Variants in FLRT2 observed in about 807,000 individuals in gnomAD.
The protein encoded by FLRT2 is leucine-rich repeat transmembrane protein FLRT2.
FLRT2 carries 15 observed loss-of-function variants against 40.0 expected under a neutral mutation model. The observed-to-expected ratio is 0.38, with a 90% CI of 0.25 to 0.58. FLRT2 has a LOEUF of 0.58. Ranked by LOEUF, FLRT2 falls within the 20% of genes least tolerant of loss-of-function variation. The pLI is 0.71. For synonymous variants in FLRT2, 380 were observed against 336.8 expected (o/e 1.13, Z -1.41); for missense variants, 726 against 840.0 (o/e 0.86, Z 1.68).
At chr14:85,543,854 A>G (rs1052723714) in intron 1 of FLRT2, among the ~76,000 whole-genome samples, 1 of 152,128 alleles carries the variant, frequency 6.6e-6, no homozygotes, top group Non-Finnish European at 1.5e-5. Context: ...GGGCTTCTAC[A>G]GAGTTTTGTT....
chr14:85,653,096 C>G lies in FLRT2; in HGVS notation c.*29599C>G, dbSNP rs1894473303. 1 of 152,122 alleles carries G rather than the reference C, an allele frequency of 6.6e-6. No individual in the cohort carries two copies. The highest frequency in any genetic ancestry group is 1.5e-5 in the Non-Finnish European group (1 of 68,026). 9.4% of individuals were successfully genotyped at this position (152,122 alleles called of 1,614,324 possible). On this transcript the variant is annotated 3_prime_UTR_variant, in exon 2 of 2. Transcript: ENST00000330753. Reference sequence around the variant, plus strand: ...AAAAGAAAGAAGGCAGCAAATGGTTCCAGACATTTATAATTATGCATCTGA... The same window carrying G: ...AAAAGAAAGAAGGCAGCAAATGGTTGCAGACATTTATAATTATGCATCTGA...
chr14:85,648,666 C>G lies in FLRT2; in HGVS notation c.*25169C>G, dbSNP rs542323052. The G allele has an allele frequency of 6.6e-6, 1 of 152,012 alleles. No individual in the cohort carries two copies. Among genetic ancestry groups the G allele is most frequent in the African/African-American group, 2.4e-5 (1 of 41,392 alleles). The allele number at this position is 152,012 out of a possible 1,614,324, so 9.4% of individuals were successfully genotyped here. A position where few individuals can be genotyped will look rare whatever the true frequency, so the allele number is the denominator to read the frequency against. On this transcript the variant is annotated 3_prime_UTR_variant, in exon 2 of 2. Coordinates refer to ENST00000330753, the MANE Select transcript of FLRT2 (RefSeq NM_013231.6). Reference sequence around the variant, plus strand: ...TATAATTGCCCATTTTCCCTAAATACCTAGGTAGGTTTTATTTCCTAAACT... The same window carrying G: ...TATAATTGCCCATTTTCCCTAAATAGCTAGGTAGGTTTTATTTCCTAAACT...
At chr14:85,614,404 TAA>T (rs1395440096) in intron 1 of FLRT2, among the ~76,000 whole-genome samples, 2 of 151,734 alleles carry the variant, frequency 1.3e-5, no homozygotes, top group Non-Finnish European at 2.9e-5. Flanking sequence ...TCAGAGAGGT[TAA>T]GTCAGGTGCC....
intron 1 of FLRT2, among the ~76,000 whole-genome samples, chr14:85,568,437 G>C (rs78671176): frequency 0.021 from 3,210 of 152,262 alleles, 117 homozygotes; most frequent in African/African-American, 0.072. Context: ...TACCAAGTCA[G>C]TGGTCATTGC....
chr14:85,578,959 G>A (rs1891261484), intron 1 of FLRT2, among the ~76,000 whole-genome samples: 1 of 152,200 alleles, frequency 6.6e-6, no homozygotes, highest in Non-Finnish European at 1.5e-5. Flanking sequence ...ATCTCTCCCA[G>A]TTGGAGTCTC....
rs1052960387 is a variant in FLRT2, at chr14:85,635,732, G to A, written c.*12235G>A. 9 of 151,980 alleles carry A rather than the reference G, an allele frequency of 5.9e-5. No homozygotes were observed. The highest frequency in any genetic ancestry group is 8.8e-5 in the Non-Finnish European group (6 of 67,924). 9.4% of individuals were successfully genotyped at this position (151,980 alleles called of 1,614,324 possible). A position where few individuals can be genotyped will look rare whatever the true frequency, so the allele number is the denominator to read the frequency against. Reference sequence around the variant, plus strand: ...ATTATGGTTTAAAAAAAAGAAAGATGAAAACTTTTTAGAATAATTAGGAAA... The same window carrying A: ...ATTATGGTTTAAAAAAAAGAAAGATAAAAACTTTTTAGAATAATTAGGAAA... On this transcript the variant is annotated 3_prime_UTR_variant, in exon 2 of 2. Transcript: ENST00000330753.
chr14:85,579,297 T>A (rs559081659), intron 1 of FLRT2, among the ~76,000 whole-genome samples: 1 of 152,280 alleles, frequency 6.6e-6, no homozygotes, highest in Non-Finnish European at 1.5e-5. Flanking sequence ...ATTTTTATTT[T>A]GAAATGTGTG....
chr14:85,561,853 A>T (rs1173648766), intron 1 of FLRT2, among the ~76,000 whole-genome samples: 2 of 152,240 alleles, frequency 1.3e-5, no homozygotes, highest in African/African-American at 4.8e-5. Flanking sequence ...TGGTAAAATT[A>T]TGAAATTCTA....
rs1894168961 is a variant in FLRT2 at position 85,642,326 on chromosome 14, A to G, written c.*18829A>G. 6.6e-6 allele frequency: 1 copy of G among 152,136 alleles called. No individual in the cohort carries two copies. Among genetic ancestry groups the G allele is most frequent in the South Asian group, 2.1e-4 (1 of 4,826 alleles). 9.4% of individuals were successfully genotyped at this position (152,136 alleles called of 1,614,324 possible). On this transcript the variant is annotated 3_prime_UTR_variant, in exon 2 of 2. Coordinates refer to ENST00000330753, the MANE Select transcript of FLRT2 (RefSeq NM_013231.6). Reference sequence around the variant, plus strand: ...GGTAGGTTTAAATTATTCTGACTATACTGAACCCCCAAGTCCGATGAGCCT... The same window carrying G: ...GGTAGGTTTAAATTATTCTGACTATGCTGAACCCCCAAGTCCGATGAGCCT...
At chr14:85,611,253 C>T (rs1164111196) in intron 1 of FLRT2, among the ~76,000 whole-genome samples, 4 of 80,788 alleles carry the variant, frequency 5.0e-5, no homozygotes, top group African/African-American at 9.7e-5. Context: ...TCACACGGGC[C>T]TCCTGCTTCA....
At chr14:85,591,024 C>T (rs1368799405) in intron 1 of FLRT2, among the ~76,000 whole-genome samples, 2 of 144,560 alleles carry the variant, frequency 1.4e-5, no homozygotes, top group East Asian at 4.0e-4. Flanking sequence ...TGTATTTCTT[C>T]TTTATCTTTT....
intron 1 of FLRT2, among the ~76,000 whole-genome samples, chr14:85,584,170 G>A (rs1891515177): frequency 6.6e-6 from 1 of 152,114 alleles, no homozygotes; most frequent in Non-Finnish European, 1.5e-5. Flanking sequence ...CTCTGTTTAA[G>A]CACTGGTGAA....
rs1418803030 is a variant in FLRT2 at position 85,647,226 on chromosome 14, G to C, written c.*23729G>C. ...ATTTTGGTCTTTCCTTTCTATCTATGTTTAGTATGCACAAGACATACTTAT... is the reference window on the plus strand; with the variant it reads ...ATTTTGGTCTTTCCTTTCTATCTATCTTTAGTATGCACAAGACATACTTAT... On this transcript the variant is annotated 3_prime_UTR_variant, in exon 2 of 2. Coordinates refer to ENST00000330753, the MANE Select transcript of FLRT2 (RefSeq NM_013231.6). 6.6e-6 allele frequency: 1 copy of C among 152,016 alleles called. No individual in the cohort carries two copies. Among genetic ancestry groups the C allele is most frequent in the Non-Finnish European group, 1.5e-5 (1 of 68,006 alleles). The allele number at this position is 152,016 out of a possible 1,614,324, so 9.4% of individuals were successfully genotyped here.
chr14:85,623,254 C>T lies in FLRT2; in HGVS notation c.1740C>T (p.Asn580=), dbSNP rs548161753. Reference sequence around the variant, plus strand: ...ACACCTCCCAGAAGTGGAAATACAACCGGGGCCGGCGGAAAGATGATTATT... The same window carrying T: ...ACACCTCCCAGAAGTGGAAATACAATCGGGGCCGGCGGAAAGATGATTATT... The part of the protein sequence containing the change: ...GRYTSQKWKY[N]RGRRKDDYCE... Residue 580 remains asparagine, a synonymous_variant, in exon 2 of 2, where the codon AAC becomes AAT. Coordinates refer to ENST00000330753, the MANE Select transcript of FLRT2 (RefSeq NM_013231.6). 3.3e-6 allele frequency: 5 copies of T among 1,516,260 alleles called. No homozygotes were observed. Among genetic ancestry groups the T allele is most frequent in the South Asian group, 2.7e-5 (2 of 74,948 alleles). The allele number at this position is 1,516,260 out of a possible 1,614,324, so 93.9% of individuals were successfully genotyped here.
chr14:85,599,421 C>A (rs1892288807), intron 1 of FLRT2, among the ~76,000 whole-genome samples: 2 of 152,108 alleles, frequency 1.3e-5, no homozygotes, highest in Non-Finnish European at 2.9e-5. Context: ...CTTCCTAATT[C>A]TTAAAGCAAC....
intron 1 of FLRT2, among the ~76,000 whole-genome samples, chr14:85,567,956 A>G (rs1003836370): frequency 1.3e-5 from 2 of 151,862 alleles, no homozygotes; most frequent in Admixed American, 6.6e-5. Flanking sequence ...ATTTTTTTCT[A>G]TAGAGATCAG....
rs936135340 is a variant in FLRT2, at chr14:85,639,296, C to G, written c.*15799C>G. ...CAAGTTGTTTATGAGCATGCCTTCT[C>G]GTTAAGTTGACAAAATCTTGACAGG... On this transcript the variant is annotated 3_prime_UTR_variant, in exon 2 of 2. Transcript: ENST00000330753. 6.6e-6 allele frequency: 1 copy of G among 152,070 alleles called. No individual in the cohort carries two copies. Among genetic ancestry groups the G allele is most frequent in the Non-Finnish European group, 1.5e-5 (1 of 68,024 alleles). The allele number at this position is 152,070 out of a possible 1,614,324, so 9.4% of individuals were successfully genotyped here.
chr14:85,608,472 GA>G (rs1566753719), intron 1 of FLRT2, among the ~76,000 whole-genome samples: 2 of 152,064 alleles, frequency 1.3e-5, no homozygotes, highest in African/African-American at 4.8e-5. Context: ...GACCTCTAGT[GA>G]TCCACCCGCC....
chr14:85,558,639 T>C (rs577944789), intron 1 of FLRT2, among the ~76,000 whole-genome samples: 1 of 152,336 alleles, frequency 6.6e-6, no homozygotes, highest in South Asian at 2.1e-4. Context: ...TGCTACCTAA[T>C]GCTTTCAGTT....
Sources: allele counts gnomAD v4.1 joint callset (sites outside exome capture counted in the v4.1 genomes callset), GRCh38; gene constraint gnomAD v4.1.1; transcripts MANE v1.5; gene names NCBI Gene and HGNC (gene_info 2026-07-23, HGNC 2026-07-21).